CTNNA3: variants seen among roughly 807,000 people sequenced by gnomAD.
CTNNA3 encodes catenin alpha 3, also known as catenin alpha-3.
CTNNA3 carries 76 observed loss-of-function variants against 95.7 expected under a neutral mutation model. The ratio of observed to expected loss-of-function variants is 0.79; its 90% CI spans 0.66 to 0.96. The LOEUF is 0.96. Ranked by LOEUF, CTNNA3 falls within the 40% of genes least tolerant of loss-of-function variation. The pLI, the probability that CTNNA3 is intolerant of heterozygous loss-of-function variation, is 0.00. For synonymous variants in CTNNA3, 431 were observed against 374.4 expected, an observed-to-expected ratio of 1.15 and a Z score of -1.74; for missense variants, 1,191 against 1,089.8, an observed-to-expected ratio of 1.09 and a Z score of -1.31.
chr10:67,266,217 A>G (rs1186970786), intron 5 of CTNNA3, among the ~76,000 whole-genome samples: 2 of 152,186 alleles, frequency 1.3e-5, no homozygotes, highest in African/African-American at 2.4e-5. Flanking sequence ...ATGAAAAAGC[A>G]AAAGACAAGA....
intron 2 of CTNNA3, among the ~76,000 whole-genome samples, chr10:67,639,428 T>C (rs1408018819): frequency 6.6e-6 from 1 of 152,072 alleles, no homozygotes; most frequent in Non-Finnish European, 1.5e-5. Flanking sequence ...ACCAGAGGTA[T>C]GAGGAGGAGC....
At chr10:66,102,981 G>A (rs2081707769) in intron 14 of CTNNA3, among the ~76,000 whole-genome samples, 176 bp downstream of exon 14, 1 of 152,086 alleles carries the variant, frequency 6.6e-6, no homozygotes, top group African/African-American at 2.4e-5. Context: ...CAAGATAGAG[G>A]AAAATAATTC....
intron 11 of CTNNA3, among the ~76,000 whole-genome samples, chr10:66,450,069 ATCT>A (rs1209438869): frequency 6.6e-6 from 1 of 152,080 alleles, no homozygotes; most frequent in Admixed American, 6.6e-5. Flanking sequence ...AAAAAGTGAA[ATCT>A]TCTATCATTC....
At chr10:66,375,542 C>A (rs538299610) in intron 12 of CTNNA3, among the ~76,000 whole-genome samples, 2 of 150,786 alleles carry the variant, frequency 1.3e-5, no homozygotes, top group Non-Finnish European at 2.9e-5. Context: ...GAACTAAAAC[C>A]TTTAGTTTTT....
chr10:67,462,117 T>C (rs1401973574), intron 5 of CTNNA3, among the ~76,000 whole-genome samples: 1 of 152,228 alleles, frequency 6.6e-6, no homozygotes, highest in East Asian at 1.9e-4. Context: ...CTCAGTTTCA[T>C]GATATCCCTT....
chr10:67,649,629 A>G (rs1839821001), intron 1 of CTNNA3, among the ~76,000 whole-genome samples: 1 of 152,244 alleles, frequency 6.6e-6, no homozygotes, highest in Non-Finnish European at 1.5e-5. Context: ...TTATTTTTAA[A>G]AAGTCTTCCT....
At chr10:66,420,798 CAAATAAAT>C (rs547995552) in intron 11 of CTNNA3, among the ~76,000 whole-genome samples, 88 of 115,294 alleles carry the variant, frequency 7.6e-4, no homozygotes, top group African/African-American at 1.9e-3. Context: ...GACTCTGTCT[CAAATAAAT>C]AAATAAATAA....
chr10:66,337,323 T>C (rs1022981685), intron 12 of CTNNA3, among the ~76,000 whole-genome samples: 1 of 152,116 alleles, frequency 6.6e-6, no homozygotes, highest in Non-Finnish European at 1.5e-5. Flanking sequence ...ATTACTACTT[T>C]TAAGCATCTC....
intron 11 of CTNNA3, among the ~76,000 whole-genome samples, chr10:66,396,371 A>C (rs2132545252): frequency 6.6e-6 from 1 of 152,140 alleles, no homozygotes; most frequent in East Asian, 1.9e-4. Context: ...AATCAGGCAA[A>C]ATAATTAATG....
chr10:66,416,062 T>A (rs1490214988), intron 11 of CTNNA3, among the ~76,000 whole-genome samples: 1 of 151,874 alleles, frequency 6.6e-6, no homozygotes, highest in Non-Finnish European at 1.5e-5. Flanking sequence ...AACAAAGGAA[T>A]CAGAAAAACA....
chr10:67,014,080 AG>A (rs1852507196), intron 7 of CTNNA3, among the ~76,000 whole-genome samples: 1 of 152,202 alleles, frequency 6.6e-6, no homozygotes, highest in Non-Finnish European at 1.5e-5. Context: ...CTTAAAGCAA[AG>A]AATCAACATT....
intron 1 of CTNNA3, among the ~76,000 whole-genome samples, chr10:67,743,570 C>A (rs548885188): frequency 2.0e-5 from 3 of 151,448 alleles, no homozygotes; most frequent in Non-Finnish European, 3.0e-5. Flanking sequence ...AAACTGGAAG[C>A]ATTGCCTTTG....
At chr10:66,405,366 A>G (rs1286608133) in intron 11 of CTNNA3, among the ~76,000 whole-genome samples, 1 of 152,176 alleles carries the variant, frequency 6.6e-6, no homozygotes, top group Non-Finnish European at 1.5e-5. Flanking sequence ...TTTATTAACA[A>G]TAAATTGCGT....
intron 5 of CTNNA3, among the ~76,000 whole-genome samples, chr10:67,519,705 C>T (rs58773208): frequency 7.9e-5 from 12 of 152,014 alleles, no homozygotes; most frequent in Non-Finnish European, 1.6e-4. Context: ...TGTCCCAGTG[C>T]GGAATGATAA....
chr10:67,717,979 C>G (rs1841154391), intron 1 of CTNNA3, among the ~76,000 whole-genome samples: 1 of 152,122 alleles, frequency 6.6e-6, no homozygotes. Context: ...TTGTTTCTGT[C>G]CTCTTTTATT....
At chr10:67,369,172 C>T (rs1843324102) in intron 5 of CTNNA3, among the ~76,000 whole-genome samples, 1 of 152,092 alleles carries the variant, frequency 6.6e-6, no homozygotes, top group East Asian at 1.9e-4. Context: ...AATTAAAATA[C>T]TGATGCTGTA....
intron 7 of CTNNA3, among the ~76,000 whole-genome samples, chr10:66,860,629 C>T (rs1004455203): frequency 6.6e-6 from 1 of 152,282 alleles, no homozygotes; most frequent in African/African-American, 2.4e-5. Context: ...GCGGCCCTCA[C>T]CTTTTTATGA....
chr10:67,696,247 C>T (rs772749134), upstream of CTNNA3: 1 of 151,984 alleles, frequency 6.6e-6, no homozygotes, highest in Non-Finnish European at 1.5e-5. Context: ...TAGTCACTGA[C>T]CTCACTGACA....
intron 7 of CTNNA3, among the ~76,000 whole-genome samples, chr10:67,023,322 A>T (rs1188109629): frequency 6.6e-6 from 1 of 152,150 alleles, no homozygotes; most frequent in East Asian, 1.9e-4. Flanking sequence ...GAGTAGAATA[A>T]GACATTCCTC....
Sources: allele counts gnomAD v4.1 joint callset (sites outside exome capture counted in the v4.1 genomes callset), GRCh38; gene constraint gnomAD v4.1.1; transcripts MANE v1.5; gene names NCBI Gene and HGNC (gene_info 2026-07-23, HGNC 2026-07-21).